Variants in MALRD1 observed in about 807,000 individuals in gnomAD.
MALRD1 encodes the protein MAM and LDL-receptor class A domain-containing protein 1.
Under a neutral mutation model 242.1 loss-of-function variants are expected in MALRD1, and 247 were observed. The observed-to-expected ratio is 1.02, with a 90% CI of 0.92 to 1.13. The LOEUF is 1.13. Among genes scored for constraint, MALRD1 ranks in the 50% most tolerant of loss-of-function variants. MALRD1 has a pLI of 0.00. For synonymous variants in MALRD1, 995 were observed against 866.6 expected (o/e 1.15, Z -2.60); for missense variants, 2,989 against 2,533.1 (o/e 1.18, Z -3.86).
At chr10:19,125,357 CTTT>C (rs1837242589) in intron 7 of MALRD1, among the ~76,000 whole-genome samples, 2 of 110,110 alleles carry the variant, frequency 1.8e-5, no homozygotes, top group Non-Finnish European at 1.8e-5. Context: ...TTCTTTCTTT[CTTT>C]CTTTCTTTCT....
rs566849167 is a variant in MALRD1 at position 19,680,452 on chromosome 10, A to T, written c.6138-11830A>T. Among the ~76,000 whole-genome samples, 9 of 152,140 alleles carry T rather than the reference A, an allele frequency of 5.9e-5. No homozygotes were observed. The South Asian group carries it at 1.9e-3, about 32-fold the overall frequency. On this transcript the variant is annotated intron_variant, in intron 36 of 39. Coordinates refer to ENST00000454679, the MANE Select transcript of MALRD1 (RefSeq NM_001142308.3). ...AAAGTGTGTTTTGCCAGAAACTAGGATTGCAACCCCTGCTTTTGTCTGCCT... is the reference window on the plus strand; with the variant it reads ...AAAGTGTGTTTTGCCAGAAACTAGGTTTGCAACCCCTGCTTTTGTCTGCCT...
chr10:19,579,845 A>G (rs1589261454), intron 33 of MALRD1, among the ~76,000 whole-genome samples: 1 of 152,316 alleles, frequency 6.6e-6, no homozygotes, highest in East Asian at 1.9e-4. Context: ...AATGTATTTA[A>G]TAATACTGGG....
intron 14 of MALRD1, among the ~76,000 whole-genome samples, chr10:19,196,024 T>G (rs949171840): frequency 5.3e-5 from 8 of 152,148 alleles, no homozygotes; most frequent in African/African-American, 1.9e-4. Flanking sequence ...TTTTAGAAGT[T>G]CCAGCACCAC....
At chr10:19,693,248 G>T (rs1349807804) in intron 38 of MALRD1, among the ~76,000 whole-genome samples, 19 of 151,886 alleles carry the variant, frequency 1.3e-4, no homozygotes, top group Non-Finnish European at 1.6e-4. Context: ...GAGAAAGAAA[G>T]AAAGGGTATT....
chr10:19,676,842 G>T (rs1374796870), intron 36 of MALRD1, among the ~76,000 whole-genome samples: 1 of 152,092 alleles, frequency 6.6e-6, no homozygotes, highest in Non-Finnish European at 1.5e-5. Flanking sequence ...ACAGGACCCA[G>T]TGTGTGTTGT....
intron 28 of MALRD1, among the ~76,000 whole-genome samples, chr10:19,399,443 G>A (rs10827358): frequency 0.87 from 132,520 of 152,156 alleles, 58,058 homozygotes; most frequent in African/African-American, 0.92. Flanking sequence ...TTCATTTTCT[G>A]TGGAGTTTGC....
At chr10:19,709,243 TAAAAAAAAAAAAA>T (rs557818453) in intron 38 of MALRD1, among the ~76,000 whole-genome samples, 4 of 105,972 alleles carry the variant, frequency 3.8e-5, no homozygotes, top group Non-Finnish European at 1.9e-5. Flanking sequence ...CCGTCTGTAC[TAAAAAAAAAAAAA>T]AAAAAAAAAA....
At chr10:19,160,897 T>A (rs2131486524) in intron 12 of MALRD1, among the ~76,000 whole-genome samples, 1 of 147,228 alleles carries the variant, frequency 6.8e-6, no homozygotes, top group Middle Eastern at 3.5e-3. Context: ...ATTTTGTTGA[T>A]CCTTTCAAAA....
intron 29 of MALRD1, among the ~76,000 whole-genome samples, chr10:19,462,679 C>T (rs958934725): frequency 6.6e-6 from 1 of 152,160 alleles, no homozygotes; most frequent in Non-Finnish European, 1.5e-5. Flanking sequence ...AATACAGTAC[C>T]TCCTACTAGC....
chr10:19,238,618 C>G (rs145009466), intron 18 of MALRD1, among the ~76,000 whole-genome samples: 7 of 91,854 alleles, frequency 7.6e-5, no homozygotes, highest in African/African-American at 2.6e-4. Context: ...TTTTTAGACA[C>G]ACAGGTTGAT....
chr10:19,344,270 A>C (rs1418472951), intron 24 of MALRD1, among the ~76,000 whole-genome samples: 15 of 152,218 alleles, frequency 9.9e-5, no homozygotes, highest in South Asian at 2.1e-4. Context: ...GTGTTCTTTA[A>C]AAAGTTGTAT....
intron 32 of MALRD1, among the ~76,000 whole-genome samples, chr10:19,539,858 G>T (rs796254724): frequency 3.4e-4 from 8 of 23,458 alleles, no homozygotes; most frequent in East Asian, 3.8e-3. Flanking sequence ...AGCTTTGTGC[G>T]TGTGTGTGTG....
At chr10:19,144,301 T>C (rs1047923654) in intron 10 of MALRD1, among the ~76,000 whole-genome samples, 4 of 152,230 alleles carry the variant, frequency 2.6e-5, no homozygotes, top group Non-Finnish European at 1.5e-5. Context: ...GCTAATACTA[T>C]ATTTTTGAAC....
chr10:19,447,057 C>CAT (rs1835029042), intron 28 of MALRD1, among the ~76,000 whole-genome samples: 7 of 96,658 alleles, frequency 7.2e-5, no homozygotes, highest in African/African-American at 1.8e-4. Context: ...CACACACACA[C>CAT]ACACATACAC....
intron 28 of MALRD1, among the ~76,000 whole-genome samples, chr10:19,393,985 C>G (rs1254939060): frequency 6.6e-6 from 1 of 152,158 alleles, no homozygotes; most frequent in East Asian, 1.9e-4. Context: ...ACTCTTCCAT[C>G]TGTAATAAAC....
chr10:19,072,651 A>G (rs7074918), intron 2 of MALRD1, among the ~76,000 whole-genome samples: 81,424 of 151,762 alleles, frequency 0.54, 21,983 homozygotes, highest in Middle Eastern at 0.61. Flanking sequence ...AAGAACACAG[A>G]TACATTATAA....
rs537224052 is a variant in MALRD1 at position 19,242,031 on chromosome 10, A to G, written c.2992-15653A>G. ...CAGTTGAGAATAATTTGTATTCTGC[A>G]GCTGTTGGATGATGTATTAGTCTGT... On this transcript the variant is annotated intron_variant, in intron 18 of 39. Coordinates refer to ENST00000454679, the MANE Select transcript of MALRD1 (RefSeq NM_001142308.3). 2.6e-5 allele frequency among the ~76,000 whole-genome samples: 4 copies of G among 152,212 alleles called. No homozygotes were observed. In the South Asian group the frequency reaches 6.2e-4, roughly 24 times the overall value.
At chr10:19,635,311 A>G (rs2131663189) in intron 36 of MALRD1, among the ~76,000 whole-genome samples, 1 of 152,328 alleles carries the variant, frequency 6.6e-6, no homozygotes, top group South Asian at 2.1e-4. Context: ...TCCTGATAAA[A>G]TAAAAATAAT....
chr10:19,708,009 A>G (rs12098729), intron 38 of MALRD1, among the ~76,000 whole-genome samples: 4,380 of 118,812 alleles, frequency 0.037, 807 homozygotes, highest in African/African-American at 0.11. Context: ...ATTTAATTAT[A>G]AAATTAAATT....
Sources: gnomAD v4.1 joint callset for allele counts (sites outside exome capture counted in the v4.1 genomes callset) on GRCh38, gnomAD v4.1.1 for gene constraint, MANE v1.5 for transcripts, NCBI Gene and HGNC (gene_info 2026-07-23, HGNC 2026-07-21) for gene names.